Variants in ADAM18 observed in about 807,000 individuals in gnomAD.
ADAM18 encodes disintegrin and metalloproteinase domain-containing protein 18.
ADAM18 carries 117 observed loss-of-function variants against 94.4 expected under a neutral mutation model. That is an observed-to-expected ratio of 1.24 (90% confidence interval 1.07 to 1.45). The LOEUF (loss-of-function observed/expected upper bound fraction) is 1.45, where lower values mean the gene tolerates loss of function less well. ADAM18 is among the 40% of genes most tolerant of loss of function. The probability of loss-of-function intolerance (pLI) is 0.00; values close to 1 mark genes in which losing one functional copy is unlikely to be tolerated. For synonymous variants in ADAM18, 327 were observed against 291.6 expected, an observed-to-expected ratio of 1.12 and a Z score of -1.24; for missense variants, 936 against 880.0, an observed-to-expected ratio of 1.06 and a Z score of -0.81.
chr8:39,690,836 C>T (rs1821754337), intron 16 of ADAM18, among the ~76,000 whole-genome samples: 1 of 152,148 alleles, frequency 6.6e-6, no homozygotes, highest in African/African-American at 2.4e-5. Flanking sequence ...CCATTTGACC[C>T]AACCATCCCA....
At position 39,729,995 on chromosome 8, in the gene ADAM18, A is replaced by T. The variant is rs1332920395; in HGVS notation, c.*55A>T. ...CTAAAGGAACGAATGTGCTTTATTT[A>T]TAACCTTACGTTATCCCCAATGCAT... On this transcript the variant is annotated 3_prime_UTR_variant, in exon 20 of 20. Transcript: ENST00000265707. The T allele has an allele frequency of 1.6e-5, 25 of 1,546,138 alleles. No homozygotes were observed. Among genetic ancestry groups the T allele is most frequent in the Admixed American group, 1.2e-4 (7 of 59,564 alleles).
intron 1 of ADAM18, 143 bp downstream of exon 1, chr8:39,584,820 C>T (rs955625346): frequency 7.3e-6 from 7 of 955,764 alleles, no homozygotes; most frequent in Middle Eastern, 2.2e-4. Flanking sequence ...GTCAGGGACA[C>T]CTTTCCACGC....
intron 19 of ADAM18, among the ~76,000 whole-genome samples, chr8:39,728,072 GA>G (rs906481558): frequency 1.3e-5 from 2 of 152,044 alleles, no homozygotes; most frequent in African/African-American, 4.8e-5. Context: ...GCAAGCGAGA[GA>G]GTCAGGTGAG....
At position 39,663,806 on chromosome 8, in the gene ADAM18, T is replaced by G. The variant is rs1563296858; in HGVS notation, c.1242T>G (p.Phe414Leu). The G allele has an allele frequency of 4.3e-6, 7 of 1,610,624 alleles. No homozygotes were observed. Among genetic ancestry groups the G allele is most frequent in the African/African-American group, 1.3e-5 (1 of 74,744 alleles). The change falls in exon 13 of 20, where the codon TTT becomes TTG. Residue 414 changes from phenylalanine (F) to leucine (L), a missense_variant. Phe to Leu is a conservative substitution (Grantham distance 22). Coordinates refer to ENST00000265707, the MANE Select transcript of ADAM18 (RefSeq NM_014237.3). ...CTGTAAAATTTTAGGAATGTCAATT[T>G]AAGAAGTGCTGTGATTATAACACAT... is the stretch of plus-strand genomic sequence containing the variant. ...CDCGNKNECQ[F>L]KKCCDYNTCK...
intron 1 of ADAM18, 142 bp downstream of exon 1, chr8:39,584,819 A>T: frequency 1.0e-6 from 1 of 987,506 alleles, no homozygotes. Context: ...TGTCAGGGAC[A>T]CCTTTCCACG....
At chr8:39,593,491 A>G (rs570739847) in intron 2 of ADAM18, among the ~76,000 whole-genome samples, 3 of 152,300 alleles carry the variant, frequency 2.0e-5, no homozygotes, top group African/African-American at 7.2e-5. Flanking sequence ...TTAAAATTAT[A>G]TTTAAAAAAC....
chr8:39,650,827 C>T (rs1327025637), intron 12 of ADAM18, among the ~76,000 whole-genome samples: 1 of 152,090 alleles, frequency 6.6e-6, no homozygotes, highest in Admixed American at 6.6e-5. Flanking sequence ...CACCTGTGGG[C>T]GTTTCTTGTC....
intron 6 of ADAM18, among the ~76,000 whole-genome samples, chr8:39,613,361 A>C (rs1819337982): frequency 6.6e-6 from 1 of 152,230 alleles, no homozygotes; most frequent in South Asian, 2.1e-4. Flanking sequence ...GCAGCCCAGG[A>C]GTACTAAACC....
At chr8:39,697,936 C>T (rs1012521461) in intron 17 of ADAM18, among the ~76,000 whole-genome samples, 14 of 151,792 alleles carry the variant, frequency 9.2e-5, no homozygotes, top group African/African-American at 3.1e-4. Flanking sequence ...TTTCATCATA[C>T]TCGTAACTTA....
intron 6 of ADAM18, among the ~76,000 whole-genome samples, chr8:39,619,995 T>C (rs1406106285): frequency 2.6e-5 from 4 of 152,064 alleles, no homozygotes; most frequent in East Asian, 3.9e-4. Context: ...CAGCATGGTA[T>C]TGGCATTAAA....
chr8:39,624,160 G>A (rs1274167044), intron 6 of ADAM18, among the ~76,000 whole-genome samples: 1 of 152,052 alleles, frequency 6.6e-6, no homozygotes, highest in African/African-American at 2.4e-5. Flanking sequence ...TTAGTTTAAT[G>A]ATGTCCCATT....
At chr8:39,669,713 A>T (rs1186841616) in intron 14 of ADAM18, among the ~76,000 whole-genome samples, 2 of 151,902 alleles carry the variant, frequency 1.3e-5, no homozygotes, top group East Asian at 3.9e-4. Context: ...CCAGTCCATC[A>T]TTGTTGGACA....
chr8:39,611,976 A>T (rs773069670), intron 6 of ADAM18, among the ~76,000 whole-genome samples: 2 of 152,218 alleles, frequency 1.3e-5, no homozygotes, highest in Non-Finnish European at 2.9e-5. Context: ...ACCACAAAGG[A>T]AGATAGCAAG....
chr8:39,672,475 A>T (rs1821182773), intron 14 of ADAM18, among the ~76,000 whole-genome samples: 1 of 152,188 alleles, frequency 6.6e-6, no homozygotes, highest in Non-Finnish European at 1.5e-5. Context: ...GGAGAGAGTT[A>T]ATATAATACG....
intron 18 of ADAM18, among the ~76,000 whole-genome samples, chr8:39,712,386 A>G (rs111613860): frequency 1.4e-5 from 2 of 146,438 alleles, no homozygotes; most frequent in Non-Finnish European, 2.9e-5. Flanking sequence ...CTGGCACAAG[A>G]TAAGGATGCC....
intron 2 of ADAM18, among the ~76,000 whole-genome samples, chr8:39,586,546 A>G (rs1474771476): frequency 6.6e-6 from 1 of 152,132 alleles, no homozygotes; most frequent in African/African-American, 2.4e-5. Flanking sequence ...GGCTTGGGCA[A>G]GTTGGTGAGA....
At chr8:39,649,724 G>A (rs1471865426) in intron 12 of ADAM18, among the ~76,000 whole-genome samples, 3 of 152,120 alleles carry the variant, frequency 2.0e-5, no homozygotes, top group Non-Finnish European at 1.5e-5. Flanking sequence ...TGTTACCTCA[G>A]TGGTATGTGC....
At chr8:39,729,082 T>C (rs1308400679) in intron 19 of ADAM18, among the ~76,000 whole-genome samples, 1 of 152,214 alleles carries the variant, frequency 6.6e-6, no homozygotes, top group African/African-American at 2.4e-5. Context: ...TGAGGAGATA[T>C]CTCACTGTGG....
At chr8:39,585,661 TA>T (rs1818374918) in intron 2 of ADAM18, among the ~76,000 whole-genome samples, 1 of 152,194 alleles carries the variant, frequency 6.6e-6, no homozygotes, top group African/African-American at 2.4e-5. Context: ...GCCAACAAAT[TA>T]ACAAATTTTT....
Sources: allele counts gnomAD v4.1 joint callset (sites outside exome capture counted in the v4.1 genomes callset), GRCh38; gene constraint gnomAD v4.1.1; transcripts MANE v1.5; gene names NCBI Gene and HGNC (gene_info 2026-07-23, HGNC 2026-07-21).